The following KIF7 variants were observed in gnomAD, a reference collection of about 807,000 sequenced individuals.
The protein encoded by KIF7 is kinesin-like protein KIF7.
Under a neutral mutation model 135.7 loss-of-function variants are expected in KIF7, and 104 were observed. That is an observed-to-expected ratio of 0.77 (90% CI 0.65 to 0.90). The LOEUF (loss-of-function observed/expected upper bound fraction) is 0.90, where lower values mean the gene tolerates loss of function less well. Ranked by LOEUF, KIF7 falls within the 40% of genes least tolerant of loss-of-function variation. The probability of loss-of-function intolerance (pLI) is 0.00; values close to 1 mark genes in which losing one functional copy is unlikely to be tolerated. For synonymous variants in KIF7, 883 were observed against 809.4 expected, an observed-to-expected ratio of 1.09 and a Z score of -1.54; for missense variants, 2,005 against 1,839.1, an observed-to-expected ratio of 1.09 and a Z score of -1.65.
At position 89,652,661 on chromosome 15, in the gene KIF7, G is replaced by T; in HGVS notation, c.270C>A (p.Val90=). The T allele has an allele frequency of 1.3e-6, 2 of 1,550,738 alleles. No individual in the cohort carries two copies. Among genetic ancestry groups the T allele is most frequent in the Admixed American group, 2.0e-5 (1 of 50,998 alleles). The change falls in exon 2 of 19, where the codon GTC becomes GTA. Residue 90 remains valine (V), a synonymous_variant. Coordinates refer to ENST00000394412, the MANE Select transcript of KIF7 (RefSeq NM_198525.3). ...EAFFEGFNAT[V]FAYGQTGSGK... ...CTGAGCCCGTCTGACCATAGGCAAAGACAGTGGCATTGAAGCCCTCGAAGA... is the reference window on the plus strand; with the variant it reads ...CTGAGCCCGTCTGACCATAGGCAAATACAGTGGCATTGAAGCCCTCGAAGA...
intron 10 of KIF7, 120 bp downstream of exon 10, chr15:89,644,893 C>A: frequency 7.4e-7 from 1 of 1,356,216 alleles, no homozygotes; most frequent in Non-Finnish European, 1.0e-6. Flanking sequence ...GAGTATCAAA[C>A]CTAGGCCATC....
chr15:89,661,420 CAAAA>C, the KIF7 span, among the ~76,000 whole-genome samples: 40 of 152,120 alleles, frequency 2.6e-4, no homozygotes, highest in African/African-American at 8.7e-4. Flanking sequence ...GAATGAGAAA[CAAAA>C]AAATTCAGGA....
downstream of KIF7, chr15:89,623,833 C>T (rs1963464362): frequency 1.2e-6 from 2 of 1,613,826 alleles, no homozygotes; most frequent in Admixed American, 3.3e-5. Context: ...AAAAATCACT[C>T]CTCAAAAACG....
intron 5 of KIF7, 87 bp from the exon 6 acceptor site, chr15:89,647,799 A>G (rs1385463794): frequency 1.5e-5 from 16 of 1,044,618 alleles, no homozygotes; most frequent in Middle Eastern, 2.8e-4. Flanking sequence ...CCTGCTTTCT[A>G]TCTACTCTTC....
chr15:89,650,624 C>G (rs2142033282), intron 2 of KIF7, among the ~76,000 whole-genome samples: 1 of 152,320 alleles, frequency 6.6e-6, no homozygotes, highest in African/African-American at 2.4e-5. Flanking sequence ...AAACTCCTGA[C>G]CTCGTGATCC....
chr15:89,654,717 T>G (rs1341941600), intron 1 of KIF7, among the ~76,000 whole-genome samples: 2 of 152,192 alleles, frequency 1.3e-5, no homozygotes, highest in Non-Finnish European at 2.9e-5. Flanking sequence ...TAGTGATGGA[T>G]AATCTTCATC....
At chr15:89,625,386 G>A (rs746941318), downstream of KIF7, 5 of 1,613,868 alleles carry the variant, frequency 3.1e-6, no homozygotes, top group East Asian at 1.1e-4. Flanking sequence ...AGAGGGCGGT[G>A]GGCTGTGGCG....
chr15:89,645,015 G>A lies in KIF7; in HGVS notation c.2189C>T (p.Thr730Ile). ...KEELIGELVRTGKAAQALNRQ... is the reference protein window; with the variant it reads ...KEELIGELVRIGKAAQALNRQ... ...CCCACCTGATGCCCACGCCTCACCT[G>A]TGCGGACCAGCTCGCCAATAAGCTC... Residue 730 changes from threonine (T) to isoleucine (I), a missense_variant and splice_region_variant, in exon 10 of 19, where the codon ACA (threonine) becomes ATA (isoleucine). Physicochemically the swap from Thr to Ile is moderately conservative, Grantham distance 89. Coordinates refer to ENST00000394412, the MANE Select transcript of KIF7 (RefSeq NM_198525.3). The A allele has an allele frequency of 6.2e-7, 1 of 1,608,024 alleles. No homozygotes were observed. The highest frequency in any genetic ancestry group is 8.5e-7 in the Non-Finnish European group (1 of 1,179,992).
rs886051533 is a variant in KIF7, at chr15:89,648,402, C to T, written c.1296G>A (p.Leu432=). 3.5e-5 allele frequency: 40 copies of T among 1,151,408 alleles called. 1 individual carries two copies. Among genetic ancestry groups the T allele is most frequent in the East Asian group, 2.3e-4 (5 of 21,684 alleles). The allele number at this position is 1,151,408 out of a possible 1,614,324, so 71.3% of individuals were successfully genotyped here. Residue 432 remains leucine, a synonymous_variant, in exon 5 of 19, where the codon CTG becomes CTA. Transcript: ENST00000394412. ...GCACCTTGCGGGCGGCGGCGCCGGGCAGCCCGGGCTCGGCCTGCAGCTCGC... is the reference window on the plus strand; with the variant it reads ...GCACCTTGCGGGCGGCGGCGCCGGGTAGCCCGGGCTCGGCCTGCAGCTCGC... ...LLRELQAEPG[L]PGAAARKVRD... is the part of the protein sequence containing the mutation.
Position 89,652,594 on chromosome 15 carries a change from G to T in KIF7, c.328+9C>A. The T allele has an allele frequency of 4.0e-6, 6 of 1,508,102 alleles. No homozygotes were observed. In the South Asian group the frequency reaches 5.1e-5, roughly 13 times the overall value. The allele number at this position is 1,508,102 out of a possible 1,614,324, so 93.4% of individuals were successfully genotyped here. ...AAGTGGGCACAGGGCCACGAACAGG[G>T]TCACTCACCCACACTGGCCTCCCCC... On this transcript the variant is annotated intron_variant, in intron 2 of 18. Coordinates refer to ENST00000394412, the MANE Select transcript of KIF7 (RefSeq NM_198525.3).
At chr15:89,626,937 C>A (rs997950985), downstream of KIF7, 16 of 1,612,138 alleles carry the variant, frequency 9.9e-6, no homozygotes, top group African/African-American at 1.5e-4. Flanking sequence ...GCATGCTAAG[C>A]CTTTCTACCT....
Position 89,649,731 on chromosome 15 carries a change from A to T in KIF7, c.529+10T>A, listed in dbSNP as rs773951136. On this transcript the variant is annotated intron_variant, in intron 3 of 18. Coordinates refer to ENST00000394412, the MANE Select transcript of KIF7 (RefSeq NM_198525.3). The stretch of plus-strand genomic sequence containing the variant: ...CCTCTCCGTCAGTGGAGGACCCCAG[A>T]GTTCCTCACCAACATTCCCGCGCTC... The T allele has an allele frequency of 6.4e-7, 1 of 1,551,300 alleles. No individual in the cohort carries two copies. The highest frequency in any genetic ancestry group is 1.2e-5 in the South Asian group (1 of 84,042).
Position 89,647,060 on chromosome 15 carries a change from G to C in KIF7, c.1561-3C>G. 1 of 1,578,042 alleles carries C rather than the reference G, an allele frequency of 6.3e-7. No individual in the cohort carries two copies. Among genetic ancestry groups the C allele is most frequent in the East Asian group, 2.3e-5 (1 of 43,064 alleles). On this transcript the variant is annotated splice_polypyrimidine_tract_variant and splice_region_variant and intron_variant, in intron 6 of 18. Coordinates refer to ENST00000394412, the MANE Select transcript of KIF7 (RefSeq NM_198525.3). Reference sequence around the variant, plus strand: ...TGCTGCTCACGCAGCCGGTCGCTCTGCAAGACATGGTCCAGGTGCCAAGGG... The same window carrying C: ...TGCTGCTCACGCAGCCGGTCGCTCTCCAAGACATGGTCCAGGTGCCAAGGG...
Position 89,647,612 on chromosome 15 carries a change from T to A in KIF7, c.1544A>T (p.Glu515Val), listed in dbSNP as rs1964038636. 6.2e-7 allele frequency: 1 copy of A among 1,611,676 alleles called. No individual in the cohort carries two copies. Among genetic ancestry groups the A allele is most frequent in the South Asian group, 1.1e-5 (1 of 91,072 alleles). The change falls in exon 6 of 19, where the codon GAG (glutamate) becomes GTG (valine). Residue 515 changes from glutamate to valine, a missense_variant. Transcript: ENST00000394412. ...GCGCCGCACCTGCAGTTTGTACTGC[T>A]CCATGGCGTCCTCCAGCGCAGCCAG... is the stretch of plus-strand genomic sequence containing the variant. The part of the protein sequence containing the change: ...DFLAALEDAM[E>V]QYKLQSDRLR...
intron 10 of KIF7, among the ~76,000 whole-genome samples, chr15:89,642,650 A>T (rs1596074616): frequency 1.3e-5 from 2 of 152,078 alleles, no homozygotes; most frequent in Non-Finnish European, 1.5e-5. Flanking sequence ...GCTCAGTGCA[A>T]CCTCCGCCTT....
Position 89,632,854 on chromosome 15 carries a change from G to T in KIF7, c.2861C>A (p.Thr954Lys). 6.2e-7 allele frequency: 1 copy of T among 1,608,900 alleles called. No individual in the cohort carries two copies. Among genetic ancestry groups the T allele is most frequent in the Non-Finnish European group, 8.5e-7 (1 of 1,179,766 alleles). ...AKKEALMQEKTGLESKRLRSS... is the reference protein window; with the variant it reads ...AKKEALMQEKKGLESKRLRSS... ...TCTCAGGCGCTTGCTCTCCAGCCCC[G>T]TCTTCTCCTGCATCAGGGCCTCCTT... is the stretch of plus-strand genomic sequence containing the variant. Residue 954 changes from threonine to lysine, a missense_variant, in exon 14 of 19, where the codon ACG (threonine) becomes AAG (lysine). By Grantham distance (78) the Thr-to-Lys change is moderately conservative (BLOSUM62 -1). Coordinates refer to ENST00000394412, the MANE Select transcript of KIF7 (RefSeq NM_198525.3).
intron 1 of KIF7, among the ~76,000 whole-genome samples, chr15:89,620,842 CCT>C (rs1235964709): frequency 1.3e-5 from 2 of 151,932 alleles, no homozygotes; most frequent in African/African-American, 4.8e-5. Flanking sequence ...CCTGCCTCAG[CCT>C]CCTGAGTAGC....
At chr15:89,649,504 C>A in intron 3 of KIF7, 137 bp from the exon 4 acceptor site, 1 of 1,124,182 alleles carries the variant, frequency 8.9e-7, no homozygotes, top group Non-Finnish European at 1.2e-6. Flanking sequence ...GGGGTACTGC[C>A]CTTCCTAGTT....
At chr15:89,624,169 A>G (rs372115142), downstream of KIF7, 7 of 1,613,996 alleles carry the variant, frequency 4.3e-6, no homozygotes, top group Middle Eastern at 1.6e-4. Context: ...ACTAAAGGAT[A>G]AAGCTATCAA....
Sources: gnomAD v4.1 joint callset for allele counts (sites outside exome capture counted in the v4.1 genomes callset) on GRCh38, gnomAD v4.1.1 for gene constraint, MANE v1.5 for transcripts, NCBI Gene and HGNC (gene_info 2026-07-23, HGNC 2026-07-21) for gene names.